The following SHISA9 variants were observed in gnomAD, a reference collection of about 807,000 sequenced individuals.
SHISA9 encodes the protein shisa family member 9.
Under a neutral mutation model 38.0 loss-of-function variants are expected in SHISA9, and 13 were observed. The observed-to-expected ratio is 0.34, with a 90% CI of 0.22 to 0.54. SHISA9 has a LOEUF of 0.54. Among genes scored for constraint, SHISA9 ranks in the 20% least tolerant of loss-of-function variants. The pLI, the probability that SHISA9 is intolerant of heterozygous loss-of-function variation, is 0.91. For missense variants in SHISA9, 538 were observed against 575.8 expected (o/e 0.93, Z 0.67); for synonymous variants, 275 against 242.0 (o/e 1.14, Z -1.27).
At chr16:12,912,702 A>G (rs1275298866) in intron 1 of SHISA9, among the ~76,000 whole-genome samples, 2 of 152,110 alleles carry the variant, frequency 1.3e-5, no homozygotes, top group African/African-American at 4.8e-5. Flanking sequence ...AAGGAGCCCA[A>G]ACTTTGATTT....
At chr16:13,225,760 A>G (rs762059184) in intron 4 of SHISA9, among the ~76,000 whole-genome samples, 6 of 152,108 alleles carry the variant, frequency 3.9e-5, no homozygotes, top group Non-Finnish European at 5.9e-5. Flanking sequence ...CTCCCTTTCC[A>G]CGGAAGCCAG....
intron 2 of SHISA9, among the ~76,000 whole-genome samples, chr16:12,948,893 A>C (rs1033369023): frequency 7.9e-5 from 12 of 152,348 alleles, no homozygotes; most frequent in Admixed American, 3.9e-4. Flanking sequence ...TTCCCAATAA[A>C]CCAACATTAT....
chr16:13,516,446 G>A, the SHISA9 span, among the ~76,000 whole-genome samples: 33 of 152,260 alleles, frequency 2.2e-4, no homozygotes, highest in African/African-American at 7.7e-4. Context: ...AATCAGGACC[G>A]AAGAGAGTAT....
chr16:13,128,385 T>C (rs1225964919), intron 2 of SHISA9, among the ~76,000 whole-genome samples: 1 of 152,132 alleles, frequency 6.6e-6, no homozygotes, highest in Admixed American at 6.5e-5. Context: ...AGAAACACAG[T>C]GGTGGAACAG....
chr16:13,413,994 A>T, the SHISA9 span, among the ~76,000 whole-genome samples: 1 of 152,202 alleles, frequency 6.6e-6, no homozygotes, highest in Non-Finnish European at 1.5e-5. Flanking sequence ...CAGAGCCAAC[A>T]GGAAATTCCT....
intron 2 of SHISA9, among the ~76,000 whole-genome samples, chr16:13,123,924 T>C (rs1424783123): frequency 6.6e-6 from 1 of 152,214 alleles, no homozygotes; most frequent in Non-Finnish European, 1.5e-5. Context: ...GTTCTGATGA[T>C]GAAATGAGAT....
At chr16:13,196,626 G>A (rs1365445550) in intron 2 of SHISA9, among the ~76,000 whole-genome samples, 1 of 152,110 alleles carries the variant, frequency 6.6e-6, no homozygotes, top group African/African-American at 2.4e-5. Context: ...TAAAGTGTGG[G>A]CTTTAGTTAA....
At chr16:13,037,058 T>TCTCA (rs1474471632) in intron 2 of SHISA9, among the ~76,000 whole-genome samples, 2 of 135,904 alleles carry the variant, frequency 1.5e-5, no homozygotes, top group African/African-American at 3.0e-5. Context: ...CAGGGAATGA[T>TCTCA]CACACACACA....
At chr16:13,456,334 C>T in the SHISA9 span, among the ~76,000 whole-genome samples, 2 of 152,190 alleles carry the variant, frequency 1.3e-5, no homozygotes, top group South Asian at 4.1e-4. Context: ...CAACTCCCAC[C>T]TGCTGTATTT....
intron 2 of SHISA9, among the ~76,000 whole-genome samples, chr16:12,974,299 A>C (rs142553276): frequency 0.011 from 1,675 of 152,188 alleles, 35 homozygotes; most frequent in African/African-American, 0.038. Context: ...AATTTTATCC[A>C]ATGGAAGAGA....
chr16:13,409,891 C>A, the SHISA9 span, among the ~76,000 whole-genome samples: 1 of 152,148 alleles, frequency 6.6e-6, no homozygotes, highest in Non-Finnish European at 1.5e-5. Context: ...GAAGGGGCCC[C>A]AAAACTTAAA....
chr16:13,214,247 A>G lies in SHISA9; in HGVS notation c.895+947A>G, dbSNP rs148592545. Among the ~76,000 whole-genome samples the G allele has an allele frequency of 5.7e-3, 867 of 152,234 alleles. 6 individuals carry two copies. The highest frequency in any genetic ancestry group is 0.019 in the African/African-American group (799 of 41,536). On this transcript the variant is annotated intron_variant, in intron 4 of 4. Coordinates refer to ENST00000558583, the MANE Select transcript of SHISA9 (RefSeq NM_001145204.3). ...AGAGTCTCACTCTGTCACTCAGGCT[A>G]AAGTGCCGTAGTGCGATCTTGGCTC...
At chr16:12,935,277 C>T (rs1445599769) in intron 2 of SHISA9, among the ~76,000 whole-genome samples, 2 of 152,172 alleles carry the variant, frequency 1.3e-5, no homozygotes, top group Non-Finnish European at 2.9e-5. Flanking sequence ...AATTCCATCT[C>T]CTCTCTGATC....
At chr16:13,402,265 A>T in the SHISA9 span, among the ~76,000 whole-genome samples, 1 of 152,120 alleles carries the variant, frequency 6.6e-6, no homozygotes, top group African/African-American at 2.4e-5. Context: ...CTGAGTTCGA[A>T]TGCTTGAGAA....
At chr16:13,433,085 C>T in the SHISA9 span, among the ~76,000 whole-genome samples, 4 of 146,206 alleles carry the variant, frequency 2.7e-5, no homozygotes, top group African/African-American at 1.0e-4. Flanking sequence ...TTAAAAAATG[C>T]TATATTAAAG....
At chr16:13,392,409 C>T in the SHISA9 span, among the ~76,000 whole-genome samples, 3 of 152,052 alleles carry the variant, frequency 2.0e-5, no homozygotes, top group African/African-American at 7.2e-5. Flanking sequence ...TAAATATATA[C>T]ATTTAAAAAA....
intron 2 of SHISA9, among the ~76,000 whole-genome samples, chr16:13,142,649 G>C (rs2050411582): frequency 6.6e-6 from 1 of 152,054 alleles, no homozygotes; most frequent in Non-Finnish European, 1.5e-5. Context: ...TCTGGCTCAA[G>C]GTACCCTGTC....
chr16:13,156,601 G>A (rs1229449766), intron 2 of SHISA9, among the ~76,000 whole-genome samples: 4 of 151,998 alleles, frequency 2.6e-5, no homozygotes, highest in African/African-American at 9.7e-5. Flanking sequence ...AGGCATGGTG[G>A]TGGGCGCCTG....
At chr16:13,180,201 G>A (rs1002661021) in intron 2 of SHISA9, among the ~76,000 whole-genome samples, 1 of 152,208 alleles carries the variant, frequency 6.6e-6, no homozygotes, top group African/African-American at 2.4e-5. Flanking sequence ...CTATGAAAAG[G>A]TATAGATATA....
Sources: gnomAD v4.1 joint callset for allele counts (sites outside exome capture counted in the v4.1 genomes callset) on GRCh38, gnomAD v4.1.1 for gene constraint, MANE v1.5 for transcripts, NCBI Gene and HGNC (gene_info 2026-07-23, HGNC 2026-07-21) for gene names.